CD177: variants seen among roughly 807,000 people sequenced by gnomAD.
CD177 encodes the protein CD177 antigen.
CD177 carries 41 observed loss-of-function variants against 38.1 expected under a neutral mutation model. The observed-to-expected ratio is 1.07, with a 90% CI of 0.84 to 1.39. CD177 has a LOEUF of 1.39. CD177 is among the 40% of genes most tolerant of loss of function. CD177 has a pLI of 0.00. For synonymous variants in CD177, 236 were observed against 216.7 expected, an observed-to-expected ratio of 1.09 and a Z score of -0.78; for missense variants, 619 against 523.8, an observed-to-expected ratio of 1.18 and a Z score of -1.77.
chr19:43,362,405 C>A lies in CD177; in HGVS notation c.*85C>A. 1.6e-6 allele frequency: 1 copy of A among 616,486 alleles called. No homozygotes were observed. The highest frequency in any genetic ancestry group is 2.8e-6 in the Non-Finnish European group (1 of 350,940). 38.2% of individuals were successfully genotyped at this position (616,486 alleles called of 1,614,324 possible). A position where few individuals can be genotyped will look rare whatever the true frequency, so the allele number is the denominator to read the frequency against. The stretch of plus-strand genomic sequence containing the variant: ...CCTCATAACCTAATGGCCTTGGACA[C>A]CAGATTCTTTCCCATTCTGTCCATG... On this transcript the variant is annotated 3_prime_UTR_variant, in exon 9 of 9. Transcript: ENST00000618265.
chr19:43,355,089 C>T (rs1226885516), intron 3 of CD177, among the ~76,000 whole-genome samples: 1 of 126,536 alleles, frequency 7.9e-6, no homozygotes, highest in African/African-American at 3.1e-5. Context: ...CCCAAGACAC[C>T]CCCCCTTTTC....
chr19:43,360,918 G>C, intron 6 of CD177: 2 of 608,656 alleles, frequency 3.3e-6, no homozygotes, highest in Non-Finnish European at 6.0e-6. Flanking sequence ...GGAGACTCAT[G>C]GAGAAGGTGA....
At chr19:43,354,426 G>A (rs77156507) in intron 3 of CD177, 34 bp downstream of exon 3, 248,509 of 1,607,826 alleles carry the variant, frequency 0.15, 20,299 homozygotes, top group Non-Finnish European at 0.17. Context: ...AGAGGGAGGG[G>A]CTGCTAGAAG....
chr19:43,361,670 T>C lies in CD177; in HGVS notation c.1081+91T>C, dbSNP rs879178252. 13 of 1,326,534 alleles carry C rather than the reference T, an allele frequency of 9.8e-6. No individual in the cohort carries two copies. In the South Asian group the frequency reaches 1.8e-4, roughly 18 times the overall value. 82.2% of individuals were successfully genotyped at this position (1,326,534 alleles called of 1,614,324 possible). A position where few individuals can be genotyped will look rare whatever the true frequency, so the allele number is the denominator to read the frequency against. On this transcript the variant is annotated intron_variant, in intron 8 of 8. Coordinates refer to ENST00000618265, the MANE Select transcript of CD177 (RefSeq NM_020406.4). Reference sequence around the variant, plus strand: ...AGGAGGGGCTGGGGGCCTGGACTCCTGGTCCGAGGGAGGAGGCGCTGGGGG... The same window carrying C: ...AGGAGGGGCTGGGGGCCTGGACTCCCGGTCCGAGGGAGGAGGCGCTGGGGG...
At chr19:43,355,469 C>G (rs990956996) in intron 3 of CD177, 192 bp from the exon 4 acceptor site, 18 of 641,028 alleles carry the variant, frequency 2.8e-5, no homozygotes, top group African/African-American at 9.1e-5. Flanking sequence ...TGTTCATTCT[C>G]CCTTCCTCTT....
Position 43,362,287 on chromosome 19 carries a change from G to T in CD177, c.1281G>T (p.Ala427=). The T allele has an allele frequency of 6.3e-7, 1 of 1,577,264 alleles. No homozygotes were observed. The highest frequency in any genetic ancestry group is 8.7e-7 in the Non-Finnish European group (1 of 1,148,840). The change falls in exon 9 of 9, where the codon GCG becomes GCT. Residue 427 remains alanine, a synonymous_variant. Coordinates refer to ENST00000618265, the MANE Select transcript of CD177 (RefSeq NM_020406.4). The part of the protein sequence containing the change: ...TWGVGLALAP[A]LWWGVVCPSC The stretch of plus-strand genomic sequence containing the variant: ...GGGTGGGGCTGGCACTGGCCCCAGC[G>T]CTGTGGTGGGGAGTGGTTTGCCCTT...
chr19:43,354,617 C>T, intron 3 of CD177: 2 of 599,614 alleles, frequency 3.3e-6, no homozygotes, highest in Non-Finnish European at 6.0e-6. Context: ...CGGGAATCCC[C>T]GCACCCCTCC....
Position 43,361,480 on chromosome 19 carries a change from T to A in CD177, c.982T>A (p.Cys328Ser), listed in dbSNP as rs1196679075. 5 of 1,588,266 alleles carry A rather than the reference T, an allele frequency of 3.1e-6. No homozygotes were observed. Among genetic ancestry groups the A allele is most frequent in the Non-Finnish European group, 4.3e-6 (5 of 1,160,088 alleles). Reference protein sequence around the residue: ...PVPGDRQCPTCVQPLGTCSSG... With the variant: ...PVPGDRQCPTSVQPLGTCSSG... ...CCCAGGAGACCGGCAGTGTCCTACC[T>A]GTGTGCAGCCCCTTGGAACCTGTTC... Residue 328 changes from cysteine to serine, a missense_variant, in exon 8 of 9, where the codon TGT becomes AGT. Cys to Ser is a moderately radical substitution (Grantham distance 112). Coordinates refer to ENST00000618265, the MANE Select transcript of CD177 (RefSeq NM_020406.4).
rs1969896364 is a variant in CD177, at chr19:43,354,575, TCA to T, written c.379+185_379+186del. ...CCGCTCCCTTTCCATCCCTCCCCAC[TCA>T]CTCCCGATCCCTCCCACCGACCTGC... On this transcript the variant is annotated intron_variant, in intron 3 of 8. Coordinates refer to ENST00000618265, the MANE Select transcript of CD177 (RefSeq NM_020406.4). The T allele has an allele frequency of 6.5e-6, 4 of 612,642 alleles. No homozygotes were observed. The African/African-American group carries it at 6.6e-5, about 10-fold the overall frequency. 38.0% of individuals were successfully genotyped at this position (612,642 alleles called of 1,614,324 possible).
In CD177 at chr19:43,360,311, C is replaced by T. The variant is rs956709951; in HGVS notation, c.666C>T (p.Asn222=). ...GGACCACCATTATGACACACGGAAACTTGGCTCAAGAACCCACTGATTGGA... is the reference window on the plus strand; with the variant it reads ...GGACCACCATTATGACACACGGAAATTTGGCTCAAGAACCCACTGATTGGA... ...HRGTTIMTHG[N]LAQEPTDWTT... is the part of the protein sequence containing the mutation. Residue 222 remains asparagine, a synonymous_variant, in exon 6 of 9, where the codon AAC becomes AAT. Transcript: ENST00000618265. The T allele has an allele frequency of 1.2e-6, 2 of 1,613,138 alleles. No homozygotes were observed. The highest frequency in any genetic ancestry group is 4.5e-5 in the East Asian group (2 of 44,862).
Position 43,362,511 on chromosome 19 carries a change from C to T in CD177, c.*191C>T. 1 of 490,956 alleles carries T rather than the reference C, an allele frequency of 2.0e-6. No individual in the cohort carries two copies. The highest frequency in any genetic ancestry group is 3.6e-6 in the Non-Finnish European group (1 of 277,280). The allele number at this position is 490,956 out of a possible 1,614,324, so 30.4% of individuals were successfully genotyped here. ...GGAGAGCCTGGAGCATCCGGACTTG[C>T]CCTATGGGAGAGGGGACGCTGGAGG... On this transcript the variant is annotated 3_prime_UTR_variant, in exon 9 of 9. Coordinates refer to ENST00000618265, the MANE Select transcript of CD177 (RefSeq NM_020406.4).
chr19:43,354,400 C>A lies in CD177; in HGVS notation c.379+8C>A, dbSNP rs368615080. 1.2e-6 allele frequency: 2 copies of A among 1,613,074 alleles called. No homozygotes were observed. The highest frequency in any genetic ancestry group is 1.7e-6 in the Non-Finnish European group (2 of 1,179,584). On this transcript the variant is annotated splice_region_variant and intron_variant, in intron 3 of 8. Transcript: ENST00000618265. Reference sequence around the variant, plus strand: ...CCCCACAGCCCCCAGCAGGTGCCTGCGGGAGGGTCGGGAGGAGAGGGAGGG... The same window carrying A: ...CCCCACAGCCCCCAGCAGGTGCCTGAGGGAGGGTCGGGAGGAGAGGGAGGG...
At position 43,353,894 on chromosome 19, in the gene CD177, G is replaced by C. The variant is rs759308338; in HGVS notation, c.94G>C (p.Val32Leu). The stretch of plus-strand genomic sequence containing the variant: ...CTGCCAGTTTGGGACAGTTCAGCAT[G>C]TGTGGAAGGTGTCCGACCTGCCCCG... The part of the protein sequence containing the change: ...LLCQFGTVQH[V>L]WKVSDLPRQW... Residue 32 changes from valine to leucine, a missense_variant, in exon 2 of 9, where the codon GTG becomes CTG. Coordinates refer to ENST00000618265, the MANE Select transcript of CD177 (RefSeq NM_020406.4). The C allele has an allele frequency of 3.1e-6, 5 of 1,613,766 alleles. No individual in the cohort carries two copies. In the Admixed American group the frequency reaches 5.0e-5, roughly 16 times the overall value.
At position 43,354,409 on chromosome 19, in the gene CD177, C is replaced by A. The variant is rs763930486; in HGVS notation, c.379+17C>A. On this transcript the variant is annotated intron_variant, in intron 3 of 8. Transcript: ENST00000618265. The stretch of plus-strand genomic sequence containing the variant: ...CCCCAGCAGGTGCCTGCGGGAGGGT[C>A]GGGAGGAGAGGGAGGGGCTGCTAGA... The A allele has an allele frequency of 2.5e-6, 4 of 1,613,172 alleles. No individual in the cohort carries two copies. The highest frequency in any genetic ancestry group is 1.3e-5 in the African/African-American group (1 of 74,968).
intron 4 of CD177, 37 bp from the exon 5 acceptor site, chr19:43,355,952 GGCA>G (rs1969923185): frequency 1.3e-6 from 1 of 756,474 alleles, no homozygotes; most frequent in African/African-American, 1.7e-5. Context: ...TGGTCCTGGA[GGCA>G]GCATCACTGA....
rs554358201 is a variant in CD177, at chr19:43,362,800, G to T, written c.*480G>T. 1 of 153,092 alleles carries T rather than the reference G, an allele frequency of 6.5e-6. No individual in the cohort carries two copies. Among genetic ancestry groups the T allele is most frequent in the East Asian group, 1.9e-4 (1 of 5,198 alleles). The allele number at this position is 153,092 out of a possible 1,614,324, so 9.5% of individuals were successfully genotyped here. ...CTGGGAGGGGAAGATGCACTGAGAC[G>T]TATGAGGCTTCCAGCCTAGCAGCCA... On this transcript the variant is annotated 3_prime_UTR_variant, in exon 9 of 9. Coordinates refer to ENST00000618265, the MANE Select transcript of CD177 (RefSeq NM_020406.4).
At chr19:43,365,689 A>T (rs1042993305), downstream of CD177, among the ~76,000 whole-genome samples, 1 of 144,930 alleles carries the variant, frequency 6.9e-6, no homozygotes, top group Non-Finnish European at 1.5e-5. Context: ...GCACTAAGGC[A>T]GCCGCCGTCC....
intron 5 of CD177, among the ~76,000 whole-genome samples, chr19:43,359,823 A>AGGCAGTGCTCAGC (rs1249827232): frequency 1.7e-5 from 2 of 114,526 alleles, no homozygotes; most frequent in Non-Finnish European, 3.5e-5. Flanking sequence ...CCAGGTGCAG[A>AGGCAGTGCTCAGC]GGCAGTGCTC....
rs779086854 is a variant in CD177, at chr19:43,361,297, C to A, written c.915C>A (p.Ser305Arg). The change falls in exon 7 of 9, where the codon AGC becomes AGA. Residue 305 changes from serine to arginine, a missense_variant. Physicochemically the swap from Ser to Arg is moderately radical, Grantham distance 110. Coordinates refer to ENST00000618265, the MANE Select transcript of CD177 (RefSeq NM_020406.4). ...ACCTGTGCAATAGTGCCAGCAGCAGCAGCGTTCTGCTGAACTCCCTCCCTC... is the reference window on the plus strand; with the variant it reads ...ACCTGTGCAATAGTGCCAGCAGCAGAAGCGTTCTGCTGAACTCCCTCCCTC... ...SSDLCNSASSSSVLLNSLPPQ... is the reference protein window; with the variant it reads ...SSDLCNSASSRSVLLNSLPPQ... The A allele has an allele frequency of 1.0e-5, 16 of 1,550,362 alleles. No homozygotes were observed. The South Asian group carries it at 1.8e-4, about 18-fold the overall frequency.
Sources: gnomAD v4.1 joint callset for allele counts (sites outside exome capture counted in the v4.1 genomes callset) on GRCh38, gnomAD v4.1.1 for gene constraint, MANE v1.5 for transcripts, NCBI Gene and HGNC (gene_info 2026-07-23, HGNC 2026-07-21) for gene names.